Variants in PRKN observed in about 807,000 individuals in gnomAD.
PRKN encodes the protein parkin RBR E3 ubiquitin protein ligase.
A neutral mutation model predicts 59.5 loss-of-function variants in PRKN; 56 were observed. The observed-to-expected ratio is 0.94, with a 90% CI of 0.76 to 1.18. The LOEUF (loss-of-function observed/expected upper bound fraction) is 1.18, where lower values mean the gene tolerates loss of function less well. PRKN is among the 50% of genes most tolerant of loss of function. The pLI is 0.00. For synonymous variants in PRKN, 250 were observed against 222.1 expected (o/e 1.13, Z -1.12); for missense variants, 657 against 596.4 (o/e 1.10, Z -1.06).
intron 1 of PRKN, among the ~76,000 whole-genome samples, chr6:162,505,791 CTG>C (rs1491263440): frequency 1.5e-5 from 2 of 137,454 alleles, no homozygotes; most frequent in South Asian, 2.2e-4. Context: ...ATCTGGAAAA[CTG>C]TGAGTATTTG....
chr6:162,481,047 T>C (rs889703994), intron 1 of PRKN, among the ~76,000 whole-genome samples: 3 of 152,084 alleles, frequency 2.0e-5, no homozygotes, highest in Admixed American at 6.6e-5. Flanking sequence ...TGTCCCAAAC[T>C]CCTGACCTCA....
chr6:161,801,955 G>A (rs1296223780), intron 6 of PRKN, among the ~76,000 whole-genome samples: 3 of 152,144 alleles, frequency 2.0e-5, no homozygotes, highest in Non-Finnish European at 4.4e-5. Context: ...TAAACAACAG[G>A]CAAGGCAGAG....
chr6:161,362,342 G>A lies in PRKN; in HGVS notation c.1168-2137C>T, dbSNP rs1425601987. The stretch of plus-strand genomic sequence containing the variant: ...GAAGGAACCTGGCATTTGCTGTGGG[G>A]CTATCTTCTTAGTCCCGCGCTGCCC... On this transcript the variant is annotated intron_variant, in intron 10 of 11. Coordinates refer to ENST00000366898, the MANE Select transcript of PRKN (RefSeq NM_004562.3). The surrounding 1 kb of genome is among the most constrained non-coding windows in gnomAD (Gnocchi z 5.2). Among the ~76,000 whole-genome samples, 5 of 152,186 alleles carry A rather than the reference G, an allele frequency of 3.3e-5. No individual in the cohort carries two copies. The highest frequency in any genetic ancestry group is 7.3e-5 in the Non-Finnish European group (5 of 68,038).
At chr6:161,439,591 T>G (rs1789095876) in intron 9 of PRKN, among the ~76,000 whole-genome samples, 1 of 152,132 alleles carries the variant, frequency 6.6e-6, no homozygotes, top group South Asian at 2.1e-4. Flanking sequence ...AGAAGTGAAA[T>G]GTCCTCTCTC....
intron 6 of PRKN, among the ~76,000 whole-genome samples, chr6:161,908,641 C>T (rs1446602328): frequency 6.8e-6 from 1 of 146,992 alleles, no homozygotes; most frequent in African/African-American, 2.5e-5. Context: ...GTAATTATCA[C>T]AAAATCAGTG....
rs1414102225 is a variant in PRKN at position 161,362,258 on chromosome 6, T to C, written c.1168-2053A>G. 6.6e-6 allele frequency among the ~76,000 whole-genome samples: 1 copy of C among 152,210 alleles called. No individual in the cohort carries two copies. Among genetic ancestry groups the C allele is most frequent in the East Asian group, 1.9e-4 (1 of 5,198 alleles). ...AAAAAATCTTTTTTAAACGTACGGCTGATAGGGTGGGAAGGCAAAGGAAAC... is the reference window on the plus strand; with the variant it reads ...AAAAAATCTTTTTTAAACGTACGGCCGATAGGGTGGGAAGGCAAAGGAAAC... On this transcript the variant is annotated intron_variant, in intron 10 of 11. Coordinates refer to ENST00000366898, the MANE Select transcript of PRKN (RefSeq NM_004562.3). This position sits in a 1 kb window ranked among gnomAD's most constrained non-coding sequence, Gnocchi z 5.2.
intron 6 of PRKN, among the ~76,000 whole-genome samples, chr6:161,808,460 T>C (rs1562699871): frequency 6.6e-6 from 1 of 152,140 alleles, no homozygotes; most frequent in Non-Finnish European, 1.5e-5. Flanking sequence ...TCTTAAATAG[T>C]ACAGAAAATT....
intron 4 of PRKN, among the ~76,000 whole-genome samples, chr6:162,164,949 T>G (rs1344715121): frequency 1.3e-5 from 2 of 149,060 alleles, no homozygotes; most frequent in Non-Finnish European, 3.0e-5. Context: ...CTAGAAAATC[T>G]GCCAAATGTA....
chr6:161,396,963 T>C lies in PRKN; in HGVS notation c.1084-10086A>G, dbSNP rs1001398393. ...TCAATCAATCAGTCAAAATGATACATTAACCCTTTATTGTATGTTGAGCAG... is the reference window on the plus strand; with the variant it reads ...TCAATCAATCAGTCAAAATGATACACTAACCCTTTATTGTATGTTGAGCAG... On this transcript the variant is annotated intron_variant, in intron 9 of 11. Transcript: ENST00000366898. The surrounding 1 kb of genome is among the most constrained non-coding windows in gnomAD (Gnocchi z 5.4). 1.3e-5 allele frequency among the ~76,000 whole-genome samples: 2 copies of C among 152,224 alleles called. No homozygotes were observed. Among genetic ancestry groups the C allele is most frequent in the Non-Finnish European group, 2.9e-5 (2 of 68,040 alleles).
At position 161,357,215 on chromosome 6, in the gene PRKN, C is replaced by A. The variant is rs1261130702; in HGVS notation, c.1285+2873G>T. ...TACAGGCATGTACCACCATGCCCAG[C>A]TAACTTTTCTATTTTTAGTGGAGAC... On this transcript the variant is annotated intron_variant, in intron 11 of 11. Transcript: ENST00000366898. The surrounding 1 kb of genome is among the most constrained non-coding windows in gnomAD (Gnocchi z 5.5). Among the ~76,000 whole-genome samples the A allele has an allele frequency of 6.6e-6, 1 of 152,162 alleles. No individual in the cohort carries two copies. Among genetic ancestry groups the A allele is most frequent in the African/African-American group, 2.4e-5 (1 of 41,432 alleles).
intron 4 of PRKN, among the ~76,000 whole-genome samples, chr6:162,065,824 G>A (rs1338101095): frequency 6.6e-6 from 1 of 152,116 alleles, no homozygotes; most frequent in South Asian, 2.1e-4. Flanking sequence ...CGCGGTGTTT[G>A]ATTTTCTGTC....
intron 6 of PRKN, among the ~76,000 whole-genome samples, chr6:161,808,000 TTCTG>T (rs1791407659): frequency 6.6e-6 from 1 of 152,328 alleles, no homozygotes; most frequent in East Asian, 1.9e-4. Flanking sequence ...CATTTACATT[TTCTG>T]TCTGAGTTCC....
chr6:162,045,721 G>A (rs968871732), intron 5 of PRKN, among the ~76,000 whole-genome samples: 2 of 152,212 alleles, frequency 1.3e-5, no homozygotes, highest in African/African-American at 4.8e-5. Context: ...ATGAAGTGCG[G>A]GTCCCTGGGA....
rs756922143 is a variant in PRKN, at chr6:161,887,028, T to G, written c.734+86274A>C. ...AGAAGCAAATGTTAGAACAAATACA[T>G]TCCAGGTTTGACACACGTGTCAGCT... On this transcript the variant is annotated intron_variant, in intron 6 of 11. Transcript: ENST00000366898. 6.1e-4 allele frequency among the ~76,000 whole-genome samples: 93 copies of G among 152,338 alleles called. 1 individual carries two copies. The Middle Eastern group carries it at 0.041, about 67-fold the overall frequency.
Position 161,498,129 on chromosome 6 carries a change from G to T in PRKN, c.1083+50725C>A, listed in dbSNP as rs1037212399. Among the ~76,000 whole-genome samples the T allele has an allele frequency of 3.3e-4, 50 of 151,846 alleles. No homozygotes were observed. Among genetic ancestry groups the T allele is most frequent in the African/African-American group, 1.1e-3 (47 of 41,394 alleles). On this transcript the variant is annotated intron_variant, in intron 9 of 11. Transcript: ENST00000366898. This position sits in a 1 kb window ranked among gnomAD's most constrained non-coding sequence, Gnocchi z 4.2. The stretch of plus-strand genomic sequence containing the variant: ...ATTAGATTGGTTAAATTCACATGTG[G>T]GAAAAAAGACAAATTATTGTTAATC...
At chr6:161,663,382 G>A (rs1784617010) in intron 7 of PRKN, among the ~76,000 whole-genome samples, 1 of 152,074 alleles carries the variant, frequency 6.6e-6, no homozygotes, top group Non-Finnish European at 1.5e-5. Context: ...TATGAATGTG[G>A]GTTCCTAACT....
At chr6:161,678,129 AAAGT>A (rs1248997631) in intron 7 of PRKN, among the ~76,000 whole-genome samples, 1 of 151,736 alleles carries the variant, frequency 6.6e-6, no homozygotes, top group Non-Finnish European at 1.5e-5. Flanking sequence ...CTTACTCTTT[AAAGT>A]AAGAGTCAAG....
rs180700737 is a variant in PRKN, at chr6:162,691,188, C to T, written c.7+36474G>A. 5.3e-5 allele frequency among the ~76,000 whole-genome samples: 8 copies of T among 152,110 alleles called. No individual in the cohort carries two copies. In the East Asian group the frequency reaches 9.6e-4, roughly 18 times the overall value. On this transcript the variant is annotated intron_variant, in intron 1 of 11. Coordinates refer to ENST00000366898, the MANE Select transcript of PRKN (RefSeq NM_004562.3). ...AAATTTCTTTCAACAAATGCCCCTA[C>T]TATATCTAAATATATAGTTGGAAAT...
At chr6:161,701,052 T>A (rs953930346) in intron 7 of PRKN, among the ~76,000 whole-genome samples, 5 of 152,204 alleles carry the variant, frequency 3.3e-5, no homozygotes, top group African/African-American at 1.2e-4. Flanking sequence ...ATTAGGAAAG[T>A]CTTGTGCCAG....
Sources: allele counts gnomAD v4.1 joint callset (sites outside exome capture counted in the v4.1 genomes callset), GRCh38; gene constraint gnomAD v4.1.1; non-coding constraint Gnocchi (gnomAD v3.1); transcripts MANE v1.5; gene names NCBI Gene and HGNC (gene_info 2026-07-23, HGNC 2026-07-21).